Variants in SYNPO2 observed in about 807,000 individuals in gnomAD.
SYNPO2 encodes synaptopodin-2.
A neutral mutation model predicts 85.0 loss-of-function variants in SYNPO2; 56 were observed. That is an observed-to-expected ratio of 0.66 (90% confidence interval 0.53 to 0.82). The LOEUF is 0.82. SYNPO2 is among the 40% of genes least tolerant of loss of function. SYNPO2 has a pLI of 0.00. For synonymous variants in SYNPO2, 602 were observed against 591.1 expected, an observed-to-expected ratio of 1.02 and a Z score of -0.27; for missense variants, 1,575 against 1,534.2, an observed-to-expected ratio of 1.03 and a Z score of -0.44.
intron 1 of SYNPO2, among the ~76,000 whole-genome samples, chr4:118,925,872 G>A (rs2073371172): frequency 6.6e-6 from 1 of 152,088 alleles, no homozygotes; most frequent in Non-Finnish European, 1.5e-5. Flanking sequence ...AAATCTCAGT[G>A]TGACAATTCC....
chr4:119,027,459 CAGAAGGGGCTTGGG>C (rs1560998341), intron 3 of SYNPO2, 21 bp downstream of exon 3: 4 of 1,557,454 alleles, frequency 2.6e-6, no homozygotes, highest in Non-Finnish European at 3.5e-6. Flanking sequence ...CCTGGGCTTT[CAGAAGGGGCTTGGG>C]AGTTGGGGGC....
At chr4:119,021,752 A>G (rs1737732183) in intron 1 of SYNPO2, among the ~76,000 whole-genome samples, 1 of 152,228 alleles carries the variant, frequency 6.6e-6, no homozygotes, top group Non-Finnish European at 1.5e-5. Flanking sequence ...ATTATCACTC[A>G]TAGGCCCAAA....
intron 1 of SYNPO2, among the ~76,000 whole-genome samples, chr4:118,948,818 T>C (rs1734591582): frequency 6.6e-6 from 1 of 152,076 alleles, no homozygotes; most frequent in Non-Finnish European, 1.5e-5. Context: ...CCACCTCCAG[T>C]TGGGGATTAA....
chr4:118,897,835 C>T (rs1216395363), intron 1 of SYNPO2, among the ~76,000 whole-genome samples: 1 of 152,142 alleles, frequency 6.6e-6, no homozygotes. Context: ...GTAGTTTGAA[C>T]AGCCAGTTAG....
intron 1 of SYNPO2, among the ~76,000 whole-genome samples, chr4:118,903,981 G>A (rs1428548075): frequency 3.3e-5 from 5 of 152,138 alleles, no homozygotes. Flanking sequence ...CTCCCAAAGT[G>A]CTAGGATTAC....
chr4:118,991,300 A>G (rs1009452177), intron 1 of SYNPO2, among the ~76,000 whole-genome samples: 1 of 152,028 alleles, frequency 6.6e-6, no homozygotes, highest in Admixed American at 6.5e-5. Context: ...GGCACGCACC[A>G]CCGCACCTGG....
intron 1 of SYNPO2, among the ~76,000 whole-genome samples, chr4:118,969,317 G>A (rs1735439094): frequency 6.6e-6 from 1 of 152,206 alleles, no homozygotes; most frequent in East Asian, 1.9e-4. Flanking sequence ...TGTAAAAGTT[G>A]TATATGGCTC....
chr4:118,927,762 T>TTG (rs1560874432), intron 1 of SYNPO2, among the ~76,000 whole-genome samples: 1 of 79,938 alleles, frequency 1.3e-5, no homozygotes, highest in African/African-American at 4.4e-5. Flanking sequence ...TAGATAGATA[T>TTG]ATAGATAGAT....
intron 4 of SYNPO2, among the ~76,000 whole-genome samples, chr4:119,044,885 C>G (rs573939637): frequency 6.6e-6 from 1 of 152,318 alleles, no homozygotes; most frequent in East Asian, 1.9e-4. Context: ...ATTATGTTGT[C>G]ACACACTGTA....
At chr4:118,874,378 GAC>G (rs1406393590) in intron 1 of SYNPO2, among the ~76,000 whole-genome samples, 1 of 152,142 alleles carries the variant, frequency 6.6e-6, no homozygotes, top group East Asian at 1.9e-4. Context: ...ATAATCTAAA[GAC>G]TGTTGATTTT....
At position 118,864,881 on chromosome 4, in the gene SYNPO2, T is replaced by A. The variant is rs187608036; in HGVS notation, c.12+13941T>A. ...TTTTGCAGGCCAAGTTACAATAATATCCTGTTGAATAAGTAAGATACTGAT... is the reference window on the plus strand; with the variant it reads ...TTTTGCAGGCCAAGTTACAATAATAACCTGTTGAATAAGTAAGATACTGAT... On this transcript the variant is annotated intron_variant, in intron 1 of 4. Transcript: ENST00000610556. Among the ~76,000 whole-genome samples, 301 of 152,284 alleles carry A rather than the reference T, an allele frequency of 2.0e-3. 1 individual carries two copies. Among genetic ancestry groups the A allele is most frequent in the African/African-American group, 6.8e-3 (281 of 41,560 alleles).
intron 1 of SYNPO2, among the ~76,000 whole-genome samples, chr4:118,919,766 GC>G (rs2149127767): frequency 6.6e-6 from 1 of 152,290 alleles, no homozygotes; most frequent in Admixed American, 6.5e-5. Context: ...CGAGGCAACA[GC>G]CTTAAGGCAT....
intron 1 of SYNPO2, among the ~76,000 whole-genome samples, chr4:118,978,163 G>GC (rs1177777904): frequency 1.3e-5 from 2 of 152,154 alleles, no homozygotes; most frequent in East Asian, 3.9e-4. Context: ...TTGCTTCTTG[G>GC]CCAGATTTGC....
In SYNPO2 at chr4:119,030,804, C is replaced by CT; in HGVS notation, c.2029_2030insT (p.Pro677LeufsTer24). On this transcript the variant is annotated frameshift_variant, in exon 4 of 5. Coordinates refer to ENST00000307142, the MANE Select transcript of SYNPO2 (RefSeq NM_133477.3). LOFTEE classifies it high-confidence loss of function. Reference sequence around the variant, plus strand: ...TTCCCGAGATGAGAGGATCTCAGTGCCAGCAAAAAGAACAGGAATATTGCA... The same window carrying CT: ...TTCCCGAGATGAGAGGATCTCAGTGCTCAGCAAAAAGAACAGGAATATTGCA... 1 of 1,614,006 alleles carries CT rather than the reference C, an allele frequency of 6.2e-7. No individual in the cohort carries two copies.
intron 1 of SYNPO2, among the ~76,000 whole-genome samples, chr4:119,014,196 G>A (rs1737439669): frequency 6.6e-6 from 1 of 152,192 alleles, no homozygotes; most frequent in Non-Finnish European, 1.5e-5. Context: ...GCCAAGGAGG[G>A]TGGATCATTT....
intron 4 of SYNPO2, chr4:119,038,136 T>C (rs925016416): frequency 3.0e-6 from 3 of 985,364 alleles, no homozygotes; most frequent in Non-Finnish European, 3.6e-6. Context: ...CAGTACCACA[T>C]GGTTTCCACA....
At chr4:118,929,667 C>T (rs535689525) in intron 1 of SYNPO2, among the ~76,000 whole-genome samples, 1 of 152,076 alleles carries the variant, frequency 6.6e-6, no homozygotes, top group South Asian at 2.1e-4. Flanking sequence ...TCTCCCAAGG[C>T]TCTACAAAAT....
intron 4 of SYNPO2, among the ~76,000 whole-genome samples, chr4:119,047,274 G>T (rs1225124049): frequency 6.6e-6 from 1 of 152,162 alleles, no homozygotes; most frequent in East Asian, 1.9e-4. Flanking sequence ...TGGCCAGGCT[G>T]ATCATGAACT....
At chr4:119,007,906 T>C (rs1026174620) in intron 1 of SYNPO2, among the ~76,000 whole-genome samples, 3 of 152,210 alleles carry the variant, frequency 2.0e-5, no homozygotes, top group Non-Finnish European at 4.4e-5. Flanking sequence ...GAGGAATATA[T>C]GAGAATGGAT....
Sources: gnomAD v4.1 joint callset for allele counts (sites outside exome capture counted in the v4.1 genomes callset) on GRCh38, gnomAD v4.1.1 for gene constraint, MANE v1.5 for transcripts, NCBI Gene and HGNC (gene_info 2026-07-23, HGNC 2026-07-21) for gene names.